RBFOX1: variants seen among roughly 807,000 people sequenced by gnomAD.
RBFOX1 encodes RNA binding protein fox-1 homolog 1.
RBFOX1 carries 8 observed loss-of-function variants against 57.7 expected under a neutral mutation model. The observed-to-expected ratio is 0.14, with a 90% CI of 0.08 to 0.25. The LOEUF is 0.25. RBFOX1 is among the 10% of genes least tolerant of loss of function. RBFOX1 has a pLI of 1.00. For missense variants in RBFOX1, 611 were observed against 548.5 expected (o/e 1.11, Z -1.14); for synonymous variants, 326 against 222.4 (o/e 1.47, Z -4.15).
At chr16:7,704,931 C>T (rs542448361) in intron 14 of RBFOX1, among the ~76,000 whole-genome samples, 1 of 151,896 alleles carries the variant, frequency 6.6e-6, no homozygotes, top group Non-Finnish European at 1.5e-5. Flanking sequence ...CCTGTAATCC[C>T]AGCAACTGGG....
intron 1 of RBFOX1, among the ~76,000 whole-genome samples, chr16:6,234,825 A>ACG (rs1358458404): frequency 6.6e-6 from 1 of 152,062 alleles, no homozygotes; most frequent in Non-Finnish European, 1.5e-5. Flanking sequence ...AGACACACAC[A>ACG]CACACACACA....
chr16:7,331,464 T>C (rs1396920367), intron 4 of RBFOX1, among the ~76,000 whole-genome samples: 1 of 152,190 alleles, frequency 6.6e-6, no homozygotes, highest in Non-Finnish European at 1.5e-5. Flanking sequence ...CACATGTCTT[T>C]CTAATAAGAA....
chr16:6,484,958 G>T (rs1357775604), intron 2 of RBFOX1, among the ~76,000 whole-genome samples: 1 of 152,166 alleles, frequency 6.6e-6, no homozygotes, highest in African/African-American at 2.4e-5. Flanking sequence ...GTAGTAAATT[G>T]TTTGGCTTAA....
chr16:7,194,701 G>T (rs1304196378), intron 4 of RBFOX1, among the ~76,000 whole-genome samples: 2 of 152,090 alleles, frequency 1.3e-5, no homozygotes, highest in African/African-American at 2.4e-5. Flanking sequence ...GTTGAGGTGG[G>T]TGGATTGCCT....
intron 3 of RBFOX1, among the ~76,000 whole-genome samples, chr16:6,757,711 G>C (rs1254260269): frequency 6.6e-6 from 1 of 152,132 alleles, no homozygotes; most frequent in African/African-American, 2.4e-5. Flanking sequence ...AGATAGGAGT[G>C]AGTTCTAGTG....
At chr16:7,211,300 G>T (rs1467538417) in intron 4 of RBFOX1, among the ~76,000 whole-genome samples, 2 of 149,314 alleles carry the variant, frequency 1.3e-5, no homozygotes, top group Admixed American at 1.3e-4. Context: ...GCTGAGGCAG[G>T]AGAATGGTGT....
intron 9 of RBFOX1, among the ~76,000 whole-genome samples, chr16:7,601,639 A>G (rs1327966671): frequency 6.6e-6 from 1 of 152,140 alleles, no homozygotes; most frequent in African/African-American, 2.4e-5. Context: ...CACCACCACC[A>G]CCACCACGAA....
intron 1 of RBFOX1, among the ~76,000 whole-genome samples, chr16:6,063,446 C>T (rs992023333): frequency 2.1e-5 from 3 of 146,336 alleles, no homozygotes; most frequent in East Asian, 2.2e-4. Context: ...CCATCATTAG[C>T]GTCTGTTCTC....
intron 2 of RBFOX1, chr16:6,483,540 T>A: frequency 6.5e-7 from 1 of 1,535,452 alleles, no homozygotes; most frequent in East Asian, 2.4e-5. Context: ...GGAGATGCCC[T>A]TCAGGTACGG....
intron 4 of RBFOX1, among the ~76,000 whole-genome samples, chr16:5,891,144 A>G (rs1046571058): frequency 1.6e-4 from 25 of 152,130 alleles, no homozygotes; most frequent in Middle Eastern, 6.8e-3. Flanking sequence ...CTGCCTCTCT[A>G]CCCTCCTTAG....
intron 3 of RBFOX1, among the ~76,000 whole-genome samples, chr16:5,848,023 A>T (rs2056800734): frequency 6.6e-6 from 1 of 152,134 alleles, no homozygotes; most frequent in Admixed American, 6.5e-5. Flanking sequence ...TAATTTAAGC[A>T]TACCCTGAGA....
intron 3 of RBFOX1, among the ~76,000 whole-genome samples, chr16:7,011,073 T>C (rs1596926794): frequency 6.6e-6 from 1 of 152,102 alleles, no homozygotes; most frequent in South Asian, 2.1e-4. Context: ...AATTCATTTT[T>C]TTTTTTTTCC....
intron 4 of RBFOX1, among the ~76,000 whole-genome samples, chr16:7,227,947 G>C (rs534186413): frequency 1.3e-5 from 2 of 152,286 alleles, no homozygotes; most frequent in East Asian, 3.9e-4. Context: ...ATTCTTTGCG[G>C]TGAGGAGGCC....
At chr16:6,373,601 G>A (rs893779962) in intron 2 of RBFOX1, among the ~76,000 whole-genome samples, 4 of 151,914 alleles carry the variant, frequency 2.6e-5, no homozygotes, top group South Asian at 2.1e-4. Flanking sequence ...AGTCGGATGA[G>A]AGGATGGTTG....
chr16:6,645,812 C>T (rs1039101810), intron 2 of RBFOX1, among the ~76,000 whole-genome samples: 10 of 152,128 alleles, frequency 6.6e-5, no homozygotes, highest in Admixed American at 2.0e-4. Context: ...ATATGCCTAG[C>T]CACAAACGAG....
intron 4 of RBFOX1, among the ~76,000 whole-genome samples, chr16:7,386,153 A>T (rs1597129540): frequency 6.6e-6 from 1 of 152,052 alleles, no homozygotes; most frequent in Non-Finnish European, 1.5e-5. Flanking sequence ...TGAGATCCCA[A>T]CAGCCTCAGA....
intron 3 of RBFOX1, among the ~76,000 whole-genome samples, chr16:6,946,397 A>G (rs1359764068): frequency 2.0e-5 from 3 of 152,174 alleles, no homozygotes; most frequent in African/African-American, 4.8e-5. Flanking sequence ...GCCATAAAGC[A>G]AGCTCTACGC....
At chr16:7,156,303 G>A (rs1171507488) in intron 4 of RBFOX1, among the ~76,000 whole-genome samples, 10 of 145,504 alleles carry the variant, frequency 6.9e-5, no homozygotes, top group African/African-American at 2.7e-4. Context: ...TATAGGTAGT[G>A]TATTATACAT....
rs114403392 is a variant in RBFOX1 at position 6,389,139 on chromosome 16, C to T, written c.-64+72082C>T. Among the ~76,000 whole-genome samples the T allele has an allele frequency of 6.8e-3, 1,036 of 152,278 alleles. 8 individuals carry two copies. The highest frequency in any genetic ancestry group is 0.023 in the African/African-American group (972 of 41,542). The stretch of plus-strand genomic sequence containing the variant: ...ACTGTGGCAGGGGTGCTCATCAGTA[C>T]GTTCAGTTCATGAGGAGGACTCAGA... On this transcript the variant is annotated intron_variant, in intron 2 of 15. Coordinates refer to ENST00000550418, the MANE Select transcript of RBFOX1 (RefSeq NM_018723.4).
Sources: gnomAD v4.1 joint callset for allele counts (sites outside exome capture counted in the v4.1 genomes callset) on GRCh38, gnomAD v4.1.1 for gene constraint, MANE v1.5 for transcripts, NCBI Gene and HGNC (gene_info 2026-07-23, HGNC 2026-07-21) for gene names.